The following UBXN2B variants were observed in gnomAD, a reference collection of about 807,000 sequenced individuals.
UBXN2B encodes UBX domain-containing protein 2B.
A neutral mutation model predicts 37.5 loss-of-function variants in UBXN2B; 19 were observed. The observed-to-expected ratio is 0.51, with a 90% CI of 0.35 to 0.74. The LOEUF is 0.74. UBXN2B is among the 30% of genes least tolerant of loss of function. The pLI is 0.01. For missense variants in UBXN2B, 370 were observed against 393.2 expected, an observed-to-expected ratio of 0.94 and a Z score of 0.50; for synonymous variants, 145 against 143.8, an observed-to-expected ratio of 1.01 and a Z score of -0.06.
intron 6 of UBXN2B, among the ~76,000 whole-genome samples, chr8:58,441,179 G>A (rs1252114322): frequency 6.6e-6 from 1 of 151,342 alleles, no homozygotes; most frequent in Non-Finnish European, 1.5e-5. Context: ...GTTTTGTAGA[G>A]ACACGTGTCT....
At chr8:58,426,892 A>T (rs1808113318) in intron 2 of UBXN2B, among the ~76,000 whole-genome samples, 1 of 150,628 alleles carries the variant, frequency 6.6e-6, no homozygotes, top group Non-Finnish European at 1.5e-5. Context: ...CCTCCCTGTA[A>T]TTTTTTTTTT....
intron 2 of UBXN2B, among the ~76,000 whole-genome samples, chr8:58,420,111 A>G (rs1807887918): frequency 6.6e-6 from 1 of 152,214 alleles, no homozygotes. Flanking sequence ...CTATAATACA[A>G]TGTTAAAAGC....
intron 3 of UBXN2B, among the ~76,000 whole-genome samples, chr8:58,431,718 C>T (rs903195995): frequency 6.6e-6 from 1 of 152,192 alleles, no homozygotes; most frequent in Non-Finnish European, 1.5e-5. Context: ...TCCTTTTCAG[C>T]ACTTGGTATT....
In UBXN2B at chr8:58,424,454, A is replaced by G; in HGVS notation, c.189-6065A>G. 3 of 556,226 alleles carry G rather than the reference A, an allele frequency of 5.4e-6. No homozygotes were observed. The South Asian group carries it at 6.2e-5, about 12-fold the overall frequency. 34.5% of individuals were successfully genotyped at this position (556,226 alleles called of 1,614,324 possible). On this transcript the variant is annotated intron_variant, in intron 2 of 7. Transcript: ENST00000399598. ...ATGGTTTCAAATTTTGCTTATCAAAAGGTAGTCAACCACAATGCAAGCCTT... is the reference window on the plus strand; with the variant it reads ...ATGGTTTCAAATTTTGCTTATCAAAGGGTAGTCAACCACAATGCAAGCCTT...
intron 4 of UBXN2B, 137 bp downstream of exon 4, chr8:58,433,380 G>C: frequency 1.6e-6 from 1 of 627,392 alleles, no homozygotes; most frequent in Non-Finnish European, 2.7e-6. Context: ...GACCAATGAT[G>C]TGTGAGTTTT....
chr8:58,444,301 A>G (rs1231054964), intron 6 of UBXN2B, among the ~76,000 whole-genome samples: 3 of 152,184 alleles, frequency 2.0e-5, no homozygotes, highest in Non-Finnish European at 4.4e-5. Flanking sequence ...AGTGCCAACT[A>G]TATAAAAGCA....
In UBXN2B at chr8:58,430,640, ACAAGAG is replaced by A; in HGVS notation, c.312_317del (p.Arg105_Ala106del). ...TGGGGCTGTCCCTCTGAATGAAGCC[ACAAGAG>A]CTTCAGGTGATGATAAATCTAAGGT... On this transcript the variant is annotated inframe_deletion, in exon 3 of 8. Transcript: ENST00000399598. 1 of 1,587,522 alleles carries A rather than the reference ACAAGAG, an allele frequency of 6.3e-7. No individual in the cohort carries two copies.
chr8:58,421,327 A>G (rs1187518505), intron 2 of UBXN2B, among the ~76,000 whole-genome samples: 43 of 151,660 alleles, frequency 2.8e-4, no homozygotes, highest in Non-Finnish European at 2.9e-5. Flanking sequence ...CACACTAGAC[A>G]TGAAGCACCT....
chr8:58,450,640 A>C lies in UBXN2B; in HGVS notation c.*3089A>C, dbSNP rs559827028. 6.6e-6 allele frequency: 1 copy of C among 152,282 alleles called. No individual in the cohort carries two copies. Among genetic ancestry groups the C allele is most frequent in the Non-Finnish European group, 1.5e-5 (1 of 68,048 alleles). 9.4% of individuals were successfully genotyped at this position (152,282 alleles called of 1,614,324 possible). ...GCTCCTCAGAATTCTTCCAGCCTCC[A>C]CCTACTGCCCAATTCCAGAGCCACT... On this transcript the variant is annotated 3_prime_UTR_variant, in exon 8 of 8. Transcript: ENST00000399598.
intron 7 of UBXN2B, among the ~76,000 whole-genome samples, chr8:58,446,779 A>T (rs78259649): frequency 3.3e-3 from 57 of 17,386 alleles, no homozygotes; most frequent in Admixed American, 6.2e-3. Context: ...TACAACCTGC[A>T]TTTTTTTTTT....
At chr8:58,432,268 T>TATATATATATAA (rs1808298623) in intron 3 of UBXN2B, among the ~76,000 whole-genome samples, 3 of 152,114 alleles carry the variant, frequency 2.0e-5, no homozygotes, top group African/African-American at 7.2e-5. Flanking sequence ...GGTGTGAGGT[T>TATATATATATAA]GACACCAGAG....
Position 58,430,658 on chromosome 8 carries a change from G to T in UBXN2B, c.328G>T (p.Asp110Tyr), listed in dbSNP as rs908607234. The change falls in exon 3 of 8, where the codon GAT becomes TAT. Residue 110 changes from aspartate (D) to tyrosine (Y), a missense_variant. Physicochemically the swap from Asp to Tyr is radical, Grantham distance 160 (BLOSUM62 -3). This residue lies in a region of UBXN2B where 197 missense variants were observed against 170.2 expected (regional missense o/e 1.16). Transcript: ENST00000399598. ...LNEATRASGD[D>Y]KSKSFTGGGY... Reference sequence around the variant, plus strand: ...TGAAGCCACAAGAGCTTCAGGTGATGATAAATCTAAGGTCAGTGCTCAATT... The same window carrying T: ...TGAAGCCACAAGAGCTTCAGGTGATTATAAATCTAAGGTCAGTGCTCAATT... 15 of 1,564,812 alleles carry T rather than the reference G, an allele frequency of 9.6e-6. No individual in the cohort carries two copies. Among genetic ancestry groups the T allele is most frequent in the Non-Finnish European group, 1.2e-5 (14 of 1,155,320 alleles).
At chr8:58,426,083 A>G (rs1410656081) in intron 2 of UBXN2B, 19 of 1,389,658 alleles carry the variant, frequency 1.4e-5, no homozygotes, top group Non-Finnish European at 1.4e-5. Context: ...AAGCTCAATA[A>G]CATCTCCATT....
At chr8:58,421,039 T>C (rs973411922) in intron 2 of UBXN2B, among the ~76,000 whole-genome samples, 55 of 152,358 alleles carry the variant, frequency 3.6e-4, no homozygotes, top group African/African-American at 1.3e-3. Context: ...CCCTTATGGA[T>C]ACTAAGCTAA....
chr8:58,426,498 G>A lies in UBXN2B; in HGVS notation c.189-4021G>A, dbSNP rs950855676. ...GCTGGGATTACAGGTGTGAACCACC[G>A]TGACCGGCCCAGTGTTCTGAATCTT... On this transcript the variant is annotated intron_variant, in intron 2 of 7. Coordinates refer to ENST00000399598, the MANE Select transcript of UBXN2B (RefSeq NM_001077619.2). The A allele has an allele frequency of 4.2e-6, 3 of 715,966 alleles. No individual in the cohort carries two copies. In the African/African-American group the frequency reaches 5.2e-5, roughly 12 times the overall value. 44.4% of individuals were successfully genotyped at this position (715,966 alleles called of 1,614,324 possible). A position where few individuals can be genotyped will look rare whatever the true frequency, so the allele number is the denominator to read the frequency against.
In UBXN2B at chr8:58,450,811, A is replaced by G. The variant is rs903778787; in HGVS notation, c.*3260A>G. 4 of 152,196 alleles carry G rather than the reference A, an allele frequency of 2.6e-5. No individual in the cohort carries two copies. The highest frequency in any genetic ancestry group is 9.7e-5 in the African/African-American group (4 of 41,434). 9.4% of individuals were successfully genotyped at this position (152,196 alleles called of 1,614,324 possible). A position where few individuals can be genotyped will look rare whatever the true frequency, so the allele number is the denominator to read the frequency against. ...GTCACTGTTTATTTCAAAGAGGTGA[A>G]TTTACCTGTGCTAGGGTTTTCACAC... On this transcript the variant is annotated 3_prime_UTR_variant, in exon 8 of 8. Coordinates refer to ENST00000399598, the MANE Select transcript of UBXN2B (RefSeq NM_001077619.2).
At chr8:58,423,184 C>A (rs1014982058) in intron 2 of UBXN2B, among the ~76,000 whole-genome samples, 15 of 152,090 alleles carry the variant, frequency 9.9e-5, no homozygotes, top group Non-Finnish European at 1.5e-5. Context: ...AAGGCCTGGC[C>A]ACTTCTGCTT....
At chr8:58,434,365 ATATAT>A (rs755095183) in intron 4 of UBXN2B, 25 bp from the exon 5 acceptor site, 2,290 of 554,594 alleles carry the variant, frequency 4.1e-3, no homozygotes, top group East Asian at 8.7e-3. Flanking sequence ...ATATATATAT[ATATAT>A]TTTTTTTTTT....
chr8:58,413,264 G>GT (rs918289458), intron 1 of UBXN2B: 17 of 152,088 alleles, frequency 1.1e-4, no homozygotes, highest in Non-Finnish European at 2.4e-4. Context: ...GGTGTATCAA[G>GT]TACAGTATCT....
Sources: gnomAD v4.1 joint callset for allele counts (sites outside exome capture counted in the v4.1 genomes callset) on GRCh38, gnomAD v4.1.1 for gene constraint, gnomAD v4.1.1 regional missense constraint, MANE v1.5 for transcripts, NCBI Gene and HGNC (gene_info 2026-07-23, HGNC 2026-07-21) for gene names.